The following TMEM260 variants were observed in gnomAD, a reference collection of about 807,000 sequenced individuals.
TMEM260 encodes the protein protein O-mannosyl-transferase TMEM260.
In TMEM260, 82 loss-of-function variants were observed where a neutral mutation model predicts 88.9. The observed-to-expected ratio is 0.92, with a 90% confidence interval of 0.77 to 1.11. The LOEUF is 1.11. TMEM260 is among the 50% of genes least tolerant of loss of function. The pLI is 0.00. For missense variants in TMEM260, 902 were observed against 853.4 expected (o/e 1.06, Z -0.71); for synonymous variants, 314 against 309.3 (o/e 1.02, Z -0.16).
At chr14:56,625,627 T>C in intron 12 of TMEM260, 97 bp downstream of exon 12, 1 of 871,442 alleles carries the variant, frequency 1.1e-6, no homozygotes, top group Non-Finnish European at 1.7e-6. Flanking sequence ...ACCAATTTTC[T>C]CTGCCTATTT....
intron 3 of TMEM260, among the ~76,000 whole-genome samples, chr14:56,600,271 C>T (rs557525558): frequency 2.0e-4 from 30 of 152,232 alleles, no homozygotes; most frequent in African/African-American, 5.3e-4. Context: ...TACGTCCTCT[C>T]TTCTGTTTTG....
downstream of TMEM260, among the ~76,000 whole-genome samples, chr14:56,652,074 T>A (rs1890216733): frequency 6.6e-6 from 1 of 152,224 alleles, no homozygotes; most frequent in Non-Finnish European, 1.5e-5. Context: ...TGTTCACATA[T>A]AAAAGTGTGT....
At position 56,648,816 on chromosome 14, in the gene TMEM260, C is replaced by G. The variant is rs1402826564; in HGVS notation, c.*1319C>G. The G allele has an allele frequency of 2.6e-5, 4 of 152,530 alleles. No homozygotes were observed. The allele number at this position is 152,530 out of a possible 1,614,324, so 9.4% of individuals were successfully genotyped here. ...GTCATAAGCTGTTAAGGACCAGTGCCGAGGGCTTTTGAGTGAAATGCCAGT... is the reference window on the plus strand; with the variant it reads ...GTCATAAGCTGTTAAGGACCAGTGCGGAGGGCTTTTGAGTGAAATGCCAGT... On this transcript the variant is annotated 3_prime_UTR_variant, in exon 16 of 16. Coordinates refer to ENST00000261556, the MANE Select transcript of TMEM260 (RefSeq NM_017799.4).
chr14:56,616,925 T>G (rs557950088), intron 8 of TMEM260, among the ~76,000 whole-genome samples: 38 of 152,138 alleles, frequency 2.5e-4, no homozygotes, highest in Non-Finnish European at 4.0e-4. Flanking sequence ...CTTCTGAAAT[T>G]TAACAAAATC....
At chr14:56,611,979 A>G (rs1024366318) in intron 6 of TMEM260, among the ~76,000 whole-genome samples, 2 of 152,160 alleles carry the variant, frequency 1.3e-5, no homozygotes. Context: ...ATATGTACTT[A>G]AGGGCAGAGG....
At chr14:56,639,281 G>A (rs1424423340) in intron 15 of TMEM260, among the ~76,000 whole-genome samples, 1 of 151,476 alleles carries the variant, frequency 6.6e-6, no homozygotes, top group Admixed American at 6.6e-5. Flanking sequence ...ACAACATTAT[G>A]ATACATTTAA....
intron 3 of TMEM260, among the ~76,000 whole-genome samples, chr14:56,594,877 A>C (rs549510930): frequency 6.6e-6 from 1 of 152,370 alleles, no homozygotes; most frequent in African/African-American, 2.4e-5. Context: ...CTGCCAAAAA[A>C]ATTTTAAATA....
chr14:56,623,025 A>T (rs936960267), intron 11 of TMEM260, among the ~76,000 whole-genome samples: 8 of 152,230 alleles, frequency 5.3e-5, no homozygotes, highest in Non-Finnish European at 1.0e-4. Flanking sequence ...CATGGATTAG[A>T]AAGTGAATTA....
rs117461568 is a variant in TMEM260 at position 56,622,521 on chromosome 14, G to C, written c.1398+819G>C. ...AATTATTAACCATAATTATGCTATA[G>C]AATTTTTATATAAACTTTCTTAATG... On this transcript the variant is annotated intron_variant, in intron 11 of 15. Coordinates refer to ENST00000261556, the MANE Select transcript of TMEM260 (RefSeq NM_017799.4). Among the ~76,000 whole-genome samples the C allele has an allele frequency of 8.0e-4, 121 of 152,008 alleles. 1 individual carries two copies. The East Asian group carries it at 0.022, about 28-fold the overall frequency.
chr14:56,606,993 A>AC (rs1230819097), intron 5 of TMEM260, among the ~76,000 whole-genome samples: 1 of 152,228 alleles, frequency 6.6e-6, no homozygotes, highest in East Asian at 1.9e-4. Flanking sequence ...GAAGTCAATC[A>AC]CGTAAGTCCT....
intron 3 of TMEM260, 76 bp downstream of exon 3, chr14:56,585,988 T>TA (rs987999731): frequency 1.4e-6 from 2 of 1,450,328 alleles, no homozygotes; most frequent in East Asian, 2.3e-5. Context: ...GTACATACAT[T>TA]AAAAAAATCT....
At chr14:56,579,669 T>G (rs1383279381), upstream of TMEM260, 1 of 389,974 alleles carries the variant, frequency 2.6e-6, no homozygotes, top group Non-Finnish European at 4.5e-6. Flanking sequence ...TAAATCACAT[T>G]ATAAGTAGGT....
intron 15 of TMEM260, among the ~76,000 whole-genome samples, chr14:56,645,185 A>T (rs1480246396): frequency 6.6e-6 from 1 of 151,352 alleles, no homozygotes; most frequent in Non-Finnish European, 1.5e-5. Flanking sequence ...CTATAAAGAC[A>T]CATGCACACA....
chr14:56,603,511 C>A (rs910619901), intron 3 of TMEM260, among the ~76,000 whole-genome samples: 2 of 152,192 alleles, frequency 1.3e-5, no homozygotes, highest in Admixed American at 1.3e-4. Flanking sequence ...CAGGTTTGTT[C>A]TCTCTGTAGC....
intron 12 of TMEM260, among the ~76,000 whole-genome samples, chr14:56,626,842 T>G (rs1237824564): frequency 6.6e-6 from 1 of 152,182 alleles, no homozygotes; most frequent in Non-Finnish European, 1.5e-5. Context: ...GTATCATCTG[T>G]CTCCCAAGGA....
At chr14:56,635,676 G>A (rs1429541199) in intron 14 of TMEM260, among the ~76,000 whole-genome samples, 2 of 152,090 alleles carry the variant, frequency 1.3e-5, no homozygotes, top group African/African-American at 4.8e-5. Context: ...TAGTGCAGAC[G>A]GAGTATCTTG....
intron 6 of TMEM260, 50 bp downstream of exon 6, chr14:56,609,335 G>A: frequency 1.3e-6 from 2 of 1,540,694 alleles, no homozygotes; most frequent in Non-Finnish European, 1.8e-6. Flanking sequence ...CAAAACTTCA[G>A]TGCTCTGCCT....
chr14:56,640,749 AAATT>A (rs1889527362), intron 15 of TMEM260, among the ~76,000 whole-genome samples: 1 of 152,330 alleles, frequency 6.6e-6, no homozygotes, highest in Admixed American at 6.5e-5. Flanking sequence ...ACCTTGAAAA[AAATT>A]AATTAGACAA....
rs201584812 is a variant in TMEM260 at position 56,618,575 on chromosome 14, T to A, written c.1057-19T>A. ...TTAAATAGTCAACTGGACCCACTGG[T>A]TGCATGTCTCTTTCACAGGTGGAAC... is the stretch of plus-strand genomic sequence containing the variant. On this transcript the variant is annotated intron_variant, in intron 9 of 15. Transcript: ENST00000261556. 7.9e-5 allele frequency: 127 copies of A among 1,612,362 alleles called. No individual in the cohort carries two copies. The African/African-American group carries it at 1.1e-3, about 13-fold the overall frequency.
Sources: gnomAD v4.1 joint callset for allele counts (sites outside exome capture counted in the v4.1 genomes callset) on GRCh38, gnomAD v4.1.1 for gene constraint, MANE v1.5 for transcripts, NCBI Gene and HGNC (gene_info 2026-07-23, HGNC 2026-07-21) for gene names.